TMPRSS6: variants seen among roughly 807,000 people sequenced by gnomAD.
TMPRSS6 encodes the protein transmembrane serine protease 6.
TMPRSS6 carries 67 observed loss-of-function variants against 101.5 expected under a neutral mutation model. The observed-to-expected ratio is 0.66, with a 90% CI of 0.54 to 0.81. The LOEUF is 0.81. Ranked by LOEUF, TMPRSS6 falls within the 30% of genes least tolerant of loss-of-function variation. The pLI is 0.00. For synonymous variants in TMPRSS6, 453 were observed against 464.9 expected (o/e 0.97, Z 0.33); for missense variants, 1,034 against 1,088.7 (o/e 0.95, Z 0.71).
Position 37,103,840 on chromosome 22 carries a change from C to T in TMPRSS6, c.-1-422G>A, listed in dbSNP as rs1376361707. ...TCCACGCAAGGAATGCTGTTTCTTGCTCCTGGTTCTGGTTCACGGAGCTTC... is the reference window on the plus strand; with the variant it reads ...TCCACGCAAGGAATGCTGTTTCTTGTTCCTGGTTCTGGTTCACGGAGCTTC... On this transcript the variant is annotated intron_variant, in intron 1 of 17. Coordinates refer to ENST00000676104, the MANE Select transcript of TMPRSS6 (RefSeq NM_001374504.1). The surrounding 1 kb of genome is among the most constrained non-coding windows in gnomAD (Gnocchi z 4.4). Among the ~76,000 whole-genome samples the T allele has an allele frequency of 1.3e-5, 2 of 152,136 alleles. No homozygotes were observed. Among genetic ancestry groups the T allele is most frequent in the Non-Finnish European group, 2.9e-5 (2 of 68,022 alleles).
chr22:37,097,976 G>A (rs1929958826), intron 3 of TMPRSS6, among the ~76,000 whole-genome samples: 1 of 129,368 alleles, frequency 7.7e-6, no homozygotes, highest in Non-Finnish European at 1.7e-5. Context: ...GGGGAGGAGC[G>A]GGCCACCGTC....
At chr22:37,078,485 A>G (rs1401220427) in intron 10 of TMPRSS6, among the ~76,000 whole-genome samples, 1 of 152,154 alleles carries the variant, frequency 6.6e-6, no homozygotes, top group Non-Finnish European at 1.5e-5. Context: ...GAGCACGGGT[A>G]GAGGTGGTGG....
intron 4 of TMPRSS6, 62 bp downstream of exon 4, chr22:37,096,586 C>T (rs752165797): frequency 2.0e-6 from 3 of 1,518,692 alleles, no homozygotes; most frequent in Non-Finnish European, 2.7e-6. Context: ...CCTACAGAGG[C>T]CCCTCCCATT....
At position 37,073,119 on chromosome 22, in the gene TMPRSS6, G is replaced by A. The variant is rs534682186; in HGVS notation, c.1555+413C>T. On this transcript the variant is annotated intron_variant, in intron 13 of 17. Coordinates refer to ENST00000676104, the MANE Select transcript of TMPRSS6 (RefSeq NM_001374504.1). ...ATGGATGGATGGATGATGGACGGAT[G>A]GATGATGGATGGGTGGATGGGTGGG... Among the ~76,000 whole-genome samples the A allele has an allele frequency of 5.8e-5, 8 of 136,934 alleles. 1 individual carries two copies. In the South Asian group the frequency reaches 2.1e-3, roughly 36 times the overall value. 89.8% of individuals were successfully genotyped at this position (136,934 alleles called of 152,430 possible).
At chr22:37,100,573 A>G (rs1425949090) in intron 2 of TMPRSS6, among the ~76,000 whole-genome samples, 1 of 152,220 alleles carries the variant, frequency 6.6e-6, no homozygotes, top group Non-Finnish European at 1.5e-5. Flanking sequence ...GGTGCCAGAA[A>G]GAAGTGGTCT....
At chr22:37,072,463 A>ATGGG (rs1927113852) in intron 13 of TMPRSS6, among the ~76,000 whole-genome samples, 2 of 140,910 alleles carry the variant, frequency 1.4e-5, no homozygotes, top group Non-Finnish European at 3.1e-5. Flanking sequence ...TGATGGATGG[A>ATGGG]TGGATGGATG....
chr22:37,087,200 C>G (rs996670136), intron 7 of TMPRSS6, among the ~76,000 whole-genome samples: 1 of 152,202 alleles, frequency 6.6e-6, no homozygotes, highest in African/African-American at 2.4e-5. Context: ...CCCCAAACTT[C>G]CCAGTGTCAA....
At chr22:37,066,803 C>A in intron 17 of TMPRSS6, 23 bp downstream of exon 17, 1 of 1,614,140 alleles carries the variant, frequency 6.2e-7, no homozygotes, top group Non-Finnish European at 8.5e-7. Context: ...CTCCTCTCTC[C>A]CTCCCATGCC....
chr22:37,077,845 A>C (rs1004745127), intron 10 of TMPRSS6, among the ~76,000 whole-genome samples: 3 of 152,252 alleles, frequency 2.0e-5, no homozygotes, highest in Non-Finnish European at 4.4e-5. Context: ...CTGTATAAGC[A>C]AAAACTCTTT....
intron 4 of TMPRSS6, 37 bp from the exon 5 acceptor site, chr22:37,096,127 T>G: frequency 6.2e-7 from 1 of 1,611,546 alleles, no homozygotes; most frequent in Non-Finnish European, 8.5e-7. Flanking sequence ...CAGGGAAGGA[T>G]TCTGAGGTCT....
intron 10 of TMPRSS6, among the ~76,000 whole-genome samples, chr22:37,076,226 G>A (rs767450758): frequency 8.6e-5 from 13 of 151,554 alleles, no homozygotes; most frequent in Admixed American, 3.3e-4. Context: ...GGTGTGGGAC[G>A]AGGGGGCAGC....
At chr22:37,093,243 C>A (rs1218260847) in intron 6 of TMPRSS6, among the ~76,000 whole-genome samples, 2 of 152,238 alleles carry the variant, frequency 1.3e-5, no homozygotes, top group Non-Finnish European at 1.5e-5. Context: ...CGAACACCCA[C>A]TGAGCACAGA....
intron 13 of TMPRSS6, among the ~76,000 whole-genome samples, chr22:37,072,522 GATGGATGA>G (rs1793333661): frequency 6.9e-6 from 1 of 144,718 alleles, no homozygotes; most frequent in South Asian, 2.2e-4. Context: ...ACAGATGGAT[GATGGATGA>G]ATGGATGGAT....
Position 37,073,576 on chromosome 22 carries a change from T to C in TMPRSS6, c.1511A>G (p.Gln504Arg). The change falls in exon 13 of 18, where the codon CAG becomes CGG. Residue 504 changes from glutamine to arginine, a missense_variant. Transcript: ENST00000676104. Reference sequence around the variant, plus strand: ...GTCGCTGCCGTTGAGACAATCAGGCTGCCCATCACAGACCTTGGGCAGTGA... The same window carrying C: ...GTCGCTGCCGTTGAGACAATCAGGCCGCCCATCACAGACCTTGGGCAGTGA... ...CISLPKVCDGQPDCLNGSDEE... is the reference protein window; with the variant it reads ...CISLPKVCDGRPDCLNGSDEE... 5.0e-6 allele frequency: 8 copies of C among 1,614,162 alleles called. No homozygotes were observed. Among genetic ancestry groups the C allele is most frequent in the Non-Finnish European group, 5.9e-6 (7 of 1,179,994 alleles).
Position 37,098,524 on chromosome 22 carries a change from G to A in TMPRSS6, c.228C>T (p.Ser76=), listed in dbSNP as rs1393978603. Reference sequence around the variant, plus strand: ...CACGCAGACTGCCTGAGTACACCTGGCTGACCATCACCTCCGCCTTGTACC... The same window carrying A: ...CACGCAGACTGCCTGAGTACACCTGACTGACCATCACCTCCGCCTTGTACC... ...FLGYKAEVMV[S]QVYSGSLRVL... Residue 76 remains serine (S), a synonymous_variant, in exon 3 of 18, where the codon AGC becomes AGT. Coordinates refer to ENST00000676104, the MANE Select transcript of TMPRSS6 (RefSeq NM_001374504.1). 1 of 1,614,028 alleles carries A rather than the reference G, an allele frequency of 6.2e-7. No homozygotes were observed. The highest frequency in any genetic ancestry group is 1.3e-5 in the African/African-American group (1 of 74,882).
chr22:37,095,928 G>A lies in TMPRSS6; in HGVS notation c.567C>T (p.Asp189=). ...AVPYRAEYEV[D]PEGLVILEAS... Reference sequence around the variant, plus strand: ...GACCCAGGATCACTAGGCCCTCGGGGTCCACTTCGTACTCGGCCCTGTAGG... The same window carrying A: ...GACCCAGGATCACTAGGCCCTCGGGATCCACTTCGTACTCGGCCCTGTAGG... Residue 189 remains aspartate (D), a synonymous_variant, in exon 5 of 18, where the codon GAC becomes GAT. Transcript: ENST00000676104. The A allele has an allele frequency of 1.2e-6, 2 of 1,614,142 alleles. No homozygotes were observed. The highest frequency in any genetic ancestry group is 8.5e-7 in the Non-Finnish European group (1 of 1,180,012).
chr22:37,070,274 CA>C, intron 15 of TMPRSS6, among the ~76,000 whole-genome samples: 2 of 152,254 alleles, frequency 1.3e-5, no homozygotes, highest in Admixed American at 1.3e-4. Context: ...AGCAAGATAC[CA>C]AAAGTAGATG....
chr22:37,103,328 G>A lies in TMPRSS6; in HGVS notation c.90C>T (p.Ala30=). The A allele has an allele frequency of 6.2e-7, 1 of 1,614,214 alleles. No homozygotes were observed. Residue 30 remains alanine, a synonymous_variant, in exon 2 of 18, where the codon GCC becomes GCT. Coordinates refer to ENST00000676104, the MANE Select transcript of TMPRSS6 (RefSeq NM_001374504.1). This position sits in a 1 kb window ranked among gnomAD's most constrained non-coding sequence, Gnocchi z 4.4. ...EEAEPEGMFK[A]CEDSKRKARG... is the part of the protein sequence containing the mutation. ...GGGCTTTTCTCTTGGAGTCCTCACA[G>A]GCCTTGAACATCCCCTCCGGCTCCG...
At chr22:37,092,465 G>A (rs116538866) in intron 6 of TMPRSS6, among the ~76,000 whole-genome samples, 3,379 of 13,344 alleles carry the variant, frequency 0.25, 155 homozygotes, top group African/African-American at 0.44. Flanking sequence ...CCCCACCCCC[G>A]AGTAGCTAGG....
Sources: gnomAD v4.1 joint callset for allele counts (sites outside exome capture counted in the v4.1 genomes callset) on GRCh38, gnomAD v4.1.1 for gene constraint, Gnocchi (gnomAD v3.1) non-coding constraint, MANE v1.5 for transcripts, NCBI Gene and HGNC (gene_info 2026-07-23, HGNC 2026-07-21) for gene names.